The following C9 variants were observed in gnomAD, a reference collection of about 807,000 sequenced individuals.
C9 encodes the protein complement C9.
Under a neutral mutation model 65.4 loss-of-function variants are expected in C9, and 63 were observed. The ratio of observed to expected loss-of-function variants is 0.96; its 90% CI spans 0.79 to 1.19. The LOEUF is 1.19. Ranked by LOEUF, C9 falls within the 50% of genes most tolerant of loss-of-function variation. The pLI is 0.00. For synonymous variants in C9, 229 were observed against 227.9 expected (o/e 1.00, Z -0.04); for missense variants, 744 against 670.1 (o/e 1.11, Z -1.22).
intron 5 of C9, among the ~76,000 whole-genome samples, chr5:39,327,148 G>A (rs1276492643): frequency 6.6e-6 from 1 of 152,134 alleles, no homozygotes; most frequent in East Asian, 1.9e-4. Flanking sequence ...GAAAGCTGAG[G>A]GTGGAGTGGC....
chr5:39,339,881 G>T (rs983777651), intron 4 of C9, among the ~76,000 whole-genome samples: 2 of 151,780 alleles, frequency 1.3e-5, no homozygotes, highest in African/African-American at 4.8e-5. Context: ...GGATGGTCTC[G>T]ATCTCCTGAC....
chr5:39,335,517 A>G (rs1753948018), intron 4 of C9, among the ~76,000 whole-genome samples: 1 of 152,220 alleles, frequency 6.6e-6, no homozygotes, highest in African/African-American at 2.4e-5. Flanking sequence ...TTTCTCTTGT[A>G]GTATAGCAAC....
At chr5:39,350,848 G>A (rs1040493031) in intron 1 of C9, among the ~76,000 whole-genome samples, 1 of 152,172 alleles carries the variant, frequency 6.6e-6, no homozygotes, top group African/African-American at 2.4e-5. Flanking sequence ...CTGGGGTCTG[G>A]AGGATGGTGG....
intron 9 of C9, among the ~76,000 whole-genome samples, chr5:39,294,068 G>A (rs2111847643): frequency 6.6e-6 from 1 of 151,768 alleles, no homozygotes; most frequent in South Asian, 2.1e-4. Flanking sequence ...AGTAGTAAGA[G>A]GGAAGTTTAT....
At chr5:39,290,252 A>T (rs1381324874) in intron 9 of C9, among the ~76,000 whole-genome samples, 1 of 151,900 alleles carries the variant, frequency 6.6e-6, no homozygotes. Flanking sequence ...GAAAAAAATT[A>T]AAAAGTTCTT....
chr5:39,310,921 T>A (rs1040254546), intron 7 of C9, among the ~76,000 whole-genome samples: 7 of 152,272 alleles, frequency 4.6e-5, no homozygotes, highest in Middle Eastern at 3.4e-3. Context: ...AGTGCTACTG[T>A]TGAGTAGAGT....
At chr5:39,361,534 G>A (rs1754522385) in intron 1 of C9, among the ~76,000 whole-genome samples, 1 of 152,186 alleles carries the variant, frequency 6.6e-6, no homozygotes, top group Admixed American at 6.5e-5. Flanking sequence ...TGTTATCTCA[G>A]GTATTCCTCA....
chr5:39,358,711 C>G (rs185709939), intron 1 of C9, among the ~76,000 whole-genome samples: 1 of 151,986 alleles, frequency 6.6e-6, no homozygotes, highest in African/African-American at 2.4e-5. Context: ...CCGGGCCGGG[C>G]GCGGTGGCTC....
At chr5:39,334,530 C>G (rs1292977483) in intron 4 of C9, among the ~76,000 whole-genome samples, 1 of 131,070 alleles carries the variant, frequency 7.6e-6, no homozygotes, top group Non-Finnish European at 1.5e-5. Flanking sequence ...TGGGGGTCAG[C>G]CCCCGCCAGG....
In C9 at chr5:39,359,102, G is replaced by GTATATATATA. The variant is rs1157807681; in HGVS notation, c.77+5276_77+5285dup. On this transcript the variant is annotated intron_variant, in intron 1 of 10. Coordinates refer to ENST00000263408, the MANE Select transcript of C9 (RefSeq NM_001737.5). Reference sequence around the variant, plus strand: ...TGTATATATATATGTGTGTGTGTGTGTATATATATATATATATATATATGT... The same window carrying GTATATATATA: ...TGTATATATATATGTGTGTGTGTGTGTATATATATATATATATATATATATATATATATGT... Among the ~76,000 whole-genome samples, 1,011 of 103,636 alleles carry GTATATATATA rather than the reference G, an allele frequency of 9.8e-3. 71 individuals are homozygous for GTATATATATA. The East Asian group carries it at 0.16, about 16-fold the overall frequency. The allele number at this position is 103,636 out of a possible 152,430, so 68.0% of individuals were successfully genotyped here.
intron 4 of C9, among the ~76,000 whole-genome samples, chr5:39,339,906 G>A (rs1442543571): frequency 1.3e-5 from 2 of 151,804 alleles, no homozygotes; most frequent in Admixed American, 1.3e-4. Context: ...TGATCCGCCC[G>A]CCTCGGCCTC....
chr5:39,326,679 A>G (rs1753751986), intron 5 of C9, among the ~76,000 whole-genome samples: 1 of 152,218 alleles, frequency 6.6e-6, no homozygotes, highest in Non-Finnish European at 1.5e-5. Flanking sequence ...CCCTTTCAAG[A>G]TAGCAGTTTC....
intron 9 of C9, among the ~76,000 whole-genome samples, chr5:39,294,832 C>G (rs1237048238): frequency 6.6e-6 from 1 of 151,700 alleles, no homozygotes; most frequent in Non-Finnish European, 1.5e-5. Context: ...TATTAGCAAA[C>G]TGATGGCAAC....
At chr5:39,285,257 A>T (rs1308042197) in intron 10 of C9, 24 bp from the exon 11 acceptor site, 1 of 1,597,976 alleles carries the variant, frequency 6.3e-7, no homozygotes, top group East Asian at 2.2e-5. Flanking sequence ...ATAAGTATCA[A>T]ATCTTAATCA....
Position 39,364,465 on chromosome 5 carries a change from G to T in C9, c.-1C>A. ...CTGCAAAGCTCCGGCAGGCTGACAT[G>T]CTGCTCTTGCTGGGTGGCTGCGAGT... On this transcript the variant is annotated 5_prime_UTR_variant, in exon 1 of 11. Transcript: ENST00000263408. The T allele has an allele frequency of 1.3e-6, 2 of 1,596,980 alleles. No homozygotes were observed. The highest frequency in any genetic ancestry group is 8.6e-7 in the Non-Finnish European group (1 of 1,165,716).
At chr5:39,292,952 G>A (rs1206188260) in intron 9 of C9, among the ~76,000 whole-genome samples, 1 of 151,410 alleles carries the variant, frequency 6.6e-6, no homozygotes, top group African/African-American at 2.4e-5. Context: ...GAATAAAAAA[G>A]AATAGTCAGG....
chr5:39,294,796 C>T (rs566142950), intron 9 of C9, among the ~76,000 whole-genome samples: 41 of 151,776 alleles, frequency 2.7e-4, no homozygotes, highest in Non-Finnish European at 4.7e-4. Context: ...CCCCAATGAA[C>T]ATAGATGCAG....
chr5:39,288,994 G>A (rs774380124), intron 9 of C9, 43 bp from the exon 10 acceptor site: 1 of 1,038,598 alleles, frequency 9.6e-7, no homozygotes. Context: ...CTTTTTAACT[G>A]AGAGAACTTG....
intron 9 of C9, among the ~76,000 whole-genome samples, chr5:39,292,629 C>T (rs1351385872): frequency 6.6e-6 from 1 of 151,386 alleles, no homozygotes; most frequent in East Asian, 1.9e-4. Flanking sequence ...TTATCTACAG[C>T]AAATGTTGTC....
Sources: gnomAD v4.1 joint callset for allele counts (sites outside exome capture counted in the v4.1 genomes callset) on GRCh38, gnomAD v4.1.1 for gene constraint, MANE v1.5 for transcripts, NCBI Gene and HGNC (gene_info 2026-07-23, HGNC 2026-07-21) for gene names.